Variants in DYNC1I1 observed in about 807,000 individuals in gnomAD.
DYNC1I1 encodes the protein dynein cytoplasmic 1 intermediate chain 1.
A neutral mutation model predicts 86.6 loss-of-function variants in DYNC1I1; 43 were observed. The observed-to-expected ratio is 0.50, with a 90% CI of 0.39 to 0.64. The LOEUF is 0.64. Among genes scored for constraint, DYNC1I1 ranks in the 30% least tolerant of loss-of-function variants. The pLI is 0.00. For synonymous variants in DYNC1I1, 262 were observed against 283.7 expected, an observed-to-expected ratio of 0.92 and a Z score of 0.77; for missense variants, 604 against 788.8, an observed-to-expected ratio of 0.77 and a Z score of 2.81.
At chr7:95,816,914 T>C (rs1794959800) in intron 4 of DYNC1I1, among the ~76,000 whole-genome samples, 1 of 152,182 alleles carries the variant, frequency 6.6e-6, no homozygotes, top group Non-Finnish European at 1.5e-5. Flanking sequence ...TTTCTCAATA[T>C]GGTAAAGAAT....
intron 5 of DYNC1I1, among the ~76,000 whole-genome samples, chr7:95,854,142 A>T (rs1789655086): frequency 2.0e-5 from 3 of 152,160 alleles, no homozygotes; most frequent in Non-Finnish European, 2.9e-5. Context: ...ATTCAAGATA[A>T]TAATTGATAG....
At chr7:95,811,644 T>C (rs1240208220) in intron 3 of DYNC1I1, among the ~76,000 whole-genome samples, 5 of 152,096 alleles carry the variant, frequency 3.3e-5, no homozygotes, top group Non-Finnish European at 2.9e-5. Context: ...TAGGTAAAAA[T>C]AGTATGTTCA....
chr7:96,084,399 C>T (rs1197309560), intron 16 of DYNC1I1, among the ~76,000 whole-genome samples: 2 of 148,832 alleles, frequency 1.3e-5, no homozygotes, highest in Non-Finnish European at 3.0e-5. Flanking sequence ...TGGATGGACA[C>T]ACTACAATCT....
chr7:96,041,153 T>C lies in DYNC1I1; in HGVS notation c.1509+1732T>C, dbSNP rs909449982. Among the ~76,000 whole-genome samples the C allele has an allele frequency of 3.3e-5, 5 of 152,224 alleles. No homozygotes were observed. In the East Asian group the frequency reaches 5.8e-4, roughly 18 times the overall value. On this transcript the variant is annotated intron_variant, in intron 14 of 16. Coordinates refer to ENST00000447467, the MANE Select transcript of DYNC1I1 (RefSeq NM_001135556.2). ...GGAAATAGAAGACAAATTAGAATTT[T>C]CTTTGCAGCTTCATGGGTATTAATG...
chr7:95,931,249 A>C (rs1422984771), intron 6 of DYNC1I1, among the ~76,000 whole-genome samples: 3 of 151,734 alleles, frequency 2.0e-5, no homozygotes, highest in African/African-American at 7.3e-5. Flanking sequence ...CTCCCAGTTC[A>C]AGCAATTCTG....
At chr7:96,092,439 C>G (rs138441567) in intron 16 of DYNC1I1, among the ~76,000 whole-genome samples, 1 of 152,246 alleles carries the variant, frequency 6.6e-6, no homozygotes, top group African/African-American at 2.4e-5. Flanking sequence ...AGTGTTAAAA[C>G]CATGCATTCC....
rs148644569 is a variant in DYNC1I1, at chr7:95,996,059, G to A, written c.955G>A (p.Val319Ile). 413 of 1,614,026 alleles carry A rather than the reference G, an allele frequency of 2.6e-4. No individual in the cohort carries two copies. Among genetic ancestry groups the A allele is most frequent in the African/African-American group, 5.3e-4 (40 of 75,034 alleles). ...GTTTAAGAAAACCACACCAGAATAC[G>A]TCTTCCACTGTCAGGTAGGAGTCAG... ...MKFKKTTPEY[V>I]FHCQSSVMSV... is the part of the protein sequence containing the mutation. The change falls in exon 10 of 17, where the codon GTC becomes ATC. Residue 319 changes from valine (V) to isoleucine (I), a missense_variant. Transcript: ENST00000447467.
intron 5 of DYNC1I1, among the ~76,000 whole-genome samples, chr7:95,857,728 A>G (rs1789763168): frequency 6.6e-6 from 1 of 152,186 alleles, no homozygotes; most frequent in Admixed American, 6.5e-5. Flanking sequence ...TTTCATCCGT[A>G]TTGAAGATTC....
At position 95,995,979 on chromosome 7, in the gene DYNC1I1, A is replaced by C. The variant is rs143419715; in HGVS notation, c.875A>C (p.Asn292Thr). Reference sequence around the variant, plus strand: ...GAGCTGATGGTGGCTTCTTACAACAACAATGAAGATGCTCCCCATGAACCA... The same window carrying C: ...GAGCTGATGGTGGCTTCTTACAACACCAATGAAGATGCTCCCCATGAACCA... ...YPELMVASYN[N>T]NEDAPHEPDG... The change falls in exon 10 of 17, where the codon AAC becomes ACC. Residue 292 changes from asparagine to threonine, a missense_variant. Transcript: ENST00000447467. The C allele has an allele frequency of 1.4e-5, 23 of 1,610,176 alleles. No homozygotes were observed. The highest frequency in any genetic ancestry group is 1.9e-5 in the Non-Finnish European group (22 of 1,178,798).
At chr7:95,954,523 T>A (rs1293844880) in intron 6 of DYNC1I1, among the ~76,000 whole-genome samples, 1 of 152,046 alleles carries the variant, frequency 6.6e-6, no homozygotes, top group Admixed American at 6.6e-5. Flanking sequence ...TGATCAGGCA[T>A]TTAAGGGCAT....
At chr7:96,033,081 C>A (rs1010992341) in intron 12 of DYNC1I1, among the ~76,000 whole-genome samples, 6 of 152,192 alleles carry the variant, frequency 3.9e-5, no homozygotes, top group African/African-American at 7.2e-5. Flanking sequence ...ATTGCACTTA[C>A]CCTACAGCAT....
intron 3 of DYNC1I1, among the ~76,000 whole-genome samples, chr7:95,812,848 A>G (rs750859921): frequency 1.1e-4 from 17 of 152,090 alleles, no homozygotes; most frequent in Non-Finnish European, 2.2e-4. Context: ...TTTTATAGAC[A>G]CCTTGTTTTA....
At chr7:96,073,760 A>C (rs1358125626) in intron 14 of DYNC1I1, among the ~76,000 whole-genome samples, 1 of 152,218 alleles carries the variant, frequency 6.6e-6, no homozygotes, top group Non-Finnish European at 1.5e-5. Flanking sequence ...CTGGCTAGCT[A>C]TAAAATCAAG....
Position 96,035,773 on chromosome 7 carries a change from C to T in DYNC1I1, c.1364+21C>T, listed in dbSNP as rs751675732. The stretch of plus-strand genomic sequence containing the variant: ...GGAAGGTGATTTTTCTGTTTCTTTA[C>T]TGATGACATGTTCTTCATTTCCGAA... On this transcript the variant is annotated intron_variant, in intron 13 of 16. Coordinates refer to ENST00000447467, the MANE Select transcript of DYNC1I1 (RefSeq NM_001135556.2). The T allele has an allele frequency of 6.8e-6, 11 of 1,609,560 alleles. No homozygotes were observed. The East Asian group carries it at 2.0e-4, about 29-fold the overall frequency.
chr7:96,077,854 T>C lies in DYNC1I1; in HGVS notation c.1650+1657T>C, dbSNP rs1462703243. Among the ~76,000 whole-genome samples, 7 of 152,162 alleles carry C rather than the reference T, an allele frequency of 4.6e-5. No homozygotes were observed. The East Asian group carries it at 1.3e-3, about 29-fold the overall frequency. ...AATGTCTCAACATTGATAAATATAA[T>C]TTTTTCCCTTCTCTTTCTCTAGATA... is the stretch of plus-strand genomic sequence containing the variant. On this transcript the variant is annotated intron_variant, in intron 15 of 16. Coordinates refer to ENST00000447467, the MANE Select transcript of DYNC1I1 (RefSeq NM_001135556.2).
chr7:96,092,688 G>A (rs886459304), intron 16 of DYNC1I1, among the ~76,000 whole-genome samples: 2 of 152,172 alleles, frequency 1.3e-5, no homozygotes, highest in Admixed American at 1.3e-4. Flanking sequence ...GCAGAGAGGA[G>A]GGGACTGATC....
chr7:95,928,951 T>A (rs1390466348), intron 6 of DYNC1I1, among the ~76,000 whole-genome samples: 2 of 152,182 alleles, frequency 1.3e-5, no homozygotes, highest in Admixed American at 1.3e-4. Context: ...TCTCCCTCCC[T>A]TCCGTCCCCA....
chr7:95,922,832 T>C (rs1259282008), intron 6 of DYNC1I1, among the ~76,000 whole-genome samples: 3 of 152,172 alleles, frequency 2.0e-5, no homozygotes, highest in South Asian at 2.1e-4. Flanking sequence ...CTTCCAGTCC[T>C]TCTTAGTTTA....
At chr7:95,803,580 C>T (rs73708592) in intron 1 of DYNC1I1, among the ~76,000 whole-genome samples, 1 of 152,276 alleles carries the variant, frequency 6.6e-6, no homozygotes, top group African/African-American at 2.4e-5. Flanking sequence ...TCATGATTAC[C>T]GTCTGGGGAC....
Sources: allele counts gnomAD v4.1 joint callset (sites outside exome capture counted in the v4.1 genomes callset), GRCh38; gene constraint gnomAD v4.1.1; transcripts MANE v1.5; gene names NCBI Gene and HGNC (gene_info 2026-07-23, HGNC 2026-07-21).